CDH7: variants seen among roughly 807,000 people sequenced by gnomAD.
CDH7 encodes the protein cadherin-7.
In CDH7, 25 loss-of-function variants were observed where a neutral mutation model predicts 71.8. The observed-to-expected ratio is 0.35, with a 90% CI of 0.25 to 0.49. The LOEUF (loss-of-function observed/expected upper bound fraction) is 0.49. CDH7 is among the 20% of genes least tolerant of loss of function. CDH7 has a pLI of 0.99. For missense variants in CDH7, 862 were observed against 974.6 expected (o/e 0.88, Z 1.54); for synonymous variants, 381 against 363.8 (o/e 1.05, Z -0.54).
At chr18:65,771,215 G>A (rs373464298) in intron 2 of CDH7, among the ~76,000 whole-genome samples, 2 of 152,126 alleles carry the variant, frequency 1.3e-5, no homozygotes, top group South Asian at 2.1e-4. Flanking sequence ...GGAGGGTCAC[G>A]ACTCAGTTCA....
chr18:65,824,758 A>T lies in CDH7; in HGVS notation c.908A>T (p.Asp303Val). 1 of 1,612,712 alleles carries T rather than the reference A, an allele frequency of 6.2e-7. No homozygotes were observed. The highest frequency in any genetic ancestry group is 8.5e-7 in the Non-Finnish European group (1 of 1,178,926). ...GCTGAAATGGAGTACAAGATTGTGG[A>T]TGGTGATGGTTTGGGCATTTTTAAG... ...ANAEMEYKIV[D>V]GDGLGIFKIS... The change falls in exon 6 of 12, where the codon GAT becomes GTT. Residue 303 changes from aspartate (D) to valine (V), a missense_variant. Asp to Val is a radical substitution (Grantham distance 152, BLOSUM62 -3). Transcript: ENST00000397968.
intron 11 of CDH7, among the ~76,000 whole-genome samples, chr18:65,870,355 A>G (rs1913892084): frequency 6.6e-6 from 1 of 152,160 alleles, no homozygotes; most frequent in African/African-American, 2.4e-5. Context: ...CATCCTTCAG[A>G]TCTTTACTTA....
intron 2 of CDH7, among the ~76,000 whole-genome samples, chr18:65,781,178 T>C (rs1910171216): frequency 1.3e-5 from 2 of 152,168 alleles, no homozygotes; most frequent in Admixed American, 1.3e-4. Flanking sequence ...GTCTCATAGC[T>C]ACATCATTGC....
intron 8 of CDH7, 37 bp from the exon 9 acceptor site, chr18:65,858,888 C>G (rs781132344): frequency 1.3e-6 from 2 of 1,590,586 alleles, no homozygotes; most frequent in South Asian, 2.2e-5. Context: ...TTTAGATGGG[C>G]AAAGAGTAAA....
At chr18:65,757,002 C>T (rs541999624) in intron 1 of CDH7, among the ~76,000 whole-genome samples, 9 of 149,698 alleles carry the variant, frequency 6.0e-5, no homozygotes, top group South Asian at 4.2e-4. Context: ...TTGGAAGACT[C>T]GCAATTTTGC....
intron 2 of CDH7, among the ~76,000 whole-genome samples, chr18:65,792,401 G>A (rs999320748): frequency 1.3e-4 from 20 of 152,006 alleles, no homozygotes; most frequent in African/African-American, 4.1e-4. Context: ...AAAGGTTCCC[G>A]TGTCATTTCC....
At chr18:65,751,539 A>T (rs1256448684) in intron 1 of CDH7, among the ~76,000 whole-genome samples, 1 of 152,166 alleles carries the variant, frequency 6.6e-6, no homozygotes, top group African/African-American at 2.4e-5. Context: ...ATGGGGGCAC[A>T]ACTCCGCGCC....
intron 6 of CDH7, among the ~76,000 whole-genome samples, chr18:65,838,803 T>G (rs1955236): frequency 0.97 from 147,098 of 152,324 alleles, 71,221 homozygotes; most frequent in East Asian, 1. Flanking sequence ...CACTATTCGT[T>G]ATAGTCATAT....
At chr18:65,807,820 A>G (rs958407766) in intron 2 of CDH7, among the ~76,000 whole-genome samples, 1 of 152,208 alleles carries the variant, frequency 6.6e-6, no homozygotes, top group African/African-American at 2.4e-5. Context: ...CATGGAAACC[A>G]CTGGAAGCAC....
chr18:65,796,822 A>G (rs1910933730), intron 2 of CDH7, among the ~76,000 whole-genome samples: 1 of 152,164 alleles, frequency 6.6e-6, no homozygotes, highest in Admixed American at 6.5e-5. Context: ...TTCATCTTGA[A>G]TCCCAGTTCT....
chr18:65,814,418 T>G, intron 3 of CDH7, 67 bp from the exon 4 acceptor site: 1 of 1,562,728 alleles, frequency 6.4e-7, no homozygotes, highest in Non-Finnish European at 8.8e-7. Flanking sequence ...TCAGTAACAT[T>G]TTGTACGTTT....
intron 2 of CDH7, among the ~76,000 whole-genome samples, chr18:65,808,026 A>T (rs1321068641): frequency 6.6e-6 from 1 of 152,132 alleles, no homozygotes; most frequent in African/African-American, 2.4e-5. Context: ...ATAATCCTGG[A>T]TCTGCCAGAG....
intron 2 of CDH7, among the ~76,000 whole-genome samples, chr18:65,805,505 G>A (rs931180349): frequency 6.6e-6 from 1 of 152,200 alleles, no homozygotes; most frequent in South Asian, 2.1e-4. Context: ...TGGTGAGCAT[G>A]CTGAAAAGGC....
chr18:65,884,125 A>T lies in CDH7; in HGVS notation c.*3231A>T, dbSNP rs1490343617. 6.6e-6 allele frequency: 1 copy of T among 152,152 alleles called. No homozygotes were observed. The highest frequency in any genetic ancestry group is 1.5e-5 in the Non-Finnish European group (1 of 67,988). The allele number at this position is 152,152 out of a possible 1,614,324, so 9.4% of individuals were successfully genotyped here. On this transcript the variant is annotated 3_prime_UTR_variant, in exon 12 of 12. Transcript: ENST00000397968. ...TCAAGGAAATACACCCAAGCCCTTA[A>T]TCTGAATTGTCACCATTGCATTATT...
At chr18:65,801,747 T>C (rs953481007) in intron 2 of CDH7, among the ~76,000 whole-genome samples, 5 of 152,238 alleles carry the variant, frequency 3.3e-5, no homozygotes, top group Admixed American at 6.5e-5. Context: ...ATTATTCTTA[T>C]ATCAGAATTG....
In CDH7 at chr18:65,813,461, T is replaced by A. The variant is rs567841890; in HGVS notation, c.506-1024T>A. The stretch of plus-strand genomic sequence containing the variant: ...AATGAAATATATATAGAAAATAAAG[T>A]GGATTTATAGCAAAATGGGCATTAA... On this transcript the variant is annotated intron_variant, in intron 3 of 11. Coordinates refer to ENST00000397968, the MANE Select transcript of CDH7 (RefSeq NM_004361.5). 2.4e-3 allele frequency among the ~76,000 whole-genome samples: 366 copies of A among 152,266 alleles called. 3 individuals are homozygous for A. The highest frequency in any genetic ancestry group is 8.1e-3 in the African/African-American group (336 of 41,554).
At chr18:65,807,273 C>T (rs1911359256) in intron 2 of CDH7, among the ~76,000 whole-genome samples, 1 of 152,048 alleles carries the variant, frequency 6.6e-6, no homozygotes, top group South Asian at 2.1e-4. Context: ...CATCAGAGCT[C>T]AGGTTGAAGT....
intron 4 of CDH7, among the ~76,000 whole-genome samples, chr18:65,819,287 G>GT (rs1324992699): frequency 6.6e-6 from 1 of 152,122 alleles, no homozygotes; most frequent in Non-Finnish European, 1.5e-5. Context: ...TTGGGTTTAC[G>GT]TAAGTATAAA....
At chr18:65,820,922 A>T (rs892489728) in intron 4 of CDH7, among the ~76,000 whole-genome samples, 1 of 152,156 alleles carries the variant, frequency 6.6e-6, no homozygotes, top group Admixed American at 6.5e-5. Flanking sequence ...ACATACTGAT[A>T]TTAGAAGGAA....
Sources: gnomAD v4.1 joint callset for allele counts (sites outside exome capture counted in the v4.1 genomes callset) on GRCh38, gnomAD v4.1.1 for gene constraint, MANE v1.5 for transcripts, NCBI Gene and HGNC (gene_info 2026-07-23, HGNC 2026-07-21) for gene names.